EVA1C: variants seen among roughly 807,000 people sequenced by gnomAD.
EVA1C encodes the protein eva-1 homolog C.
Under a neutral mutation model 45.4 loss-of-function variants are expected in EVA1C, and 25 were observed. The observed-to-expected ratio is 0.55, with a 90% CI of 0.40 to 0.77. The LOEUF is 0.77. Among genes scored for constraint, EVA1C ranks in the 30% least tolerant of loss-of-function variants. EVA1C has a pLI of 0.00. For synonymous variants in EVA1C, 190 were observed against 221.2 expected (o/e 0.86, Z 1.25); for missense variants, 479 against 554.8 (o/e 0.86, Z 1.37).
At chr21:32,449,767 G>A (rs2035510358) in intron 1 of EVA1C, among the ~76,000 whole-genome samples, 1 of 151,948 alleles carries the variant, frequency 6.6e-6, no homozygotes, top group Admixed American at 6.6e-5. Context: ...GATTACGGGG[G>A]CGTGCCACCA....
At chr21:32,505,111 CAT>C (rs1471768241) in intron 7 of EVA1C, among the ~76,000 whole-genome samples, 10 of 152,212 alleles carry the variant, frequency 6.6e-5, no homozygotes, top group African/African-American at 2.4e-4. Context: ...TCCCATGACA[CAT>C]GTGGATTATG....
intron 1 of EVA1C, among the ~76,000 whole-genome samples, chr21:32,437,268 G>A (rs1467519183): frequency 6.6e-6 from 1 of 152,196 alleles, no homozygotes; most frequent in Non-Finnish European, 1.5e-5. Flanking sequence ...CTCAGCATGG[G>A]GCCCTGTGTG....
intron 3 of EVA1C, 134 bp downstream of exon 3, chr21:32,457,854 T>C: frequency 1.0e-6 from 1 of 962,916 alleles, no homozygotes; most frequent in Non-Finnish European, 1.6e-6. Flanking sequence ...GGCTCCATCC[T>C]ACCCAGTTTT....
At chr21:32,444,053 AACACACACACACACAC>A (rs60086580) in intron 1 of EVA1C, among the ~76,000 whole-genome samples, 24 of 139,938 alleles carry the variant, frequency 1.7e-4, no homozygotes, top group African/African-American at 4.9e-4. Context: ...ATTGTGTGAA[AACACACACACACACAC>A]ACACACACAC....
In EVA1C at chr21:32,452,507, T is replaced by C. The variant is rs11088220; in HGVS notation, c.161-805T>C. ...ACAGCTCCCGAAGCCCCAGTGGGCA[T>C]GTGTTACAGTGGTCTCCTTCAGTTT... is the stretch of plus-strand genomic sequence containing the variant. On this transcript the variant is annotated intron_variant, in intron 1 of 7. Transcript: ENST00000300255. The surrounding 1 kb of genome is among the most constrained non-coding windows in gnomAD (Gnocchi z 4.0). 24,445 of 152,256 alleles carry C rather than the reference T, an allele frequency of 0.16. 2,240 individuals are homozygous for C. Among genetic ancestry groups the C allele is most frequent in the Admixed American group, 0.23 (3,575 of 15,308 alleles). 9.4% of individuals were successfully genotyped at this position (152,256 alleles called of 1,614,324 possible). A position where few individuals can be genotyped will look rare whatever the true frequency, so the allele number is the denominator to read the frequency against.
intron 4 of EVA1C, among the ~76,000 whole-genome samples, chr21:32,483,962 ATGTGTGTGTGTGTGTG>A (rs55688415): frequency 3.1e-4 from 46 of 147,340 alleles, no homozygotes; most frequent in South Asian, 1.3e-3. Flanking sequence ...CTCACTGTTT[ATGTGTGTGTGTGTGTG>A]TGTGTGTGTG....
chr21:32,460,453 C>A (rs367965723), intron 3 of EVA1C, among the ~76,000 whole-genome samples: 1 of 152,190 alleles, frequency 6.6e-6, no homozygotes, highest in Non-Finnish European at 1.5e-5. Context: ...GTATGATTTG[C>A]ACACACACTG....
intron 4 of EVA1C, among the ~76,000 whole-genome samples, chr21:32,476,411 G>A (rs576986746): frequency 5.3e-5 from 8 of 152,214 alleles, no homozygotes; most frequent in Non-Finnish European, 8.8e-5. Flanking sequence ...GGAGGCCGAG[G>A]CAGGTGGATC....
At chr21:32,416,998 C>T (rs547770689) in intron 1 of EVA1C, among the ~76,000 whole-genome samples, 64 of 152,316 alleles carry the variant, frequency 4.2e-4, no homozygotes, top group South Asian at 2.3e-3. Context: ...CTCTGCTGCC[C>T]AGGCCCGAGT....
chr21:32,473,125 C>T (rs778034355), intron 4 of EVA1C, among the ~76,000 whole-genome samples: 3 of 152,256 alleles, frequency 2.0e-5, no homozygotes, highest in Non-Finnish European at 2.9e-5. Context: ...GGCAGAACCA[C>T]GCATGCGTGT....
intron 1 of EVA1C, among the ~76,000 whole-genome samples, chr21:32,431,079 TGTG>T (rs1024142170): frequency 2.0e-5 from 3 of 151,944 alleles, no homozygotes; most frequent in Admixed American, 2.0e-4. Flanking sequence ...TCCCACAACA[TGTG>T]GTGATTATGG....
intron 4 of EVA1C, among the ~76,000 whole-genome samples, chr21:32,488,398 A>C (rs1276121752): frequency 6.6e-6 from 1 of 152,158 alleles, no homozygotes; most frequent in Non-Finnish European, 1.5e-5. Context: ...TAATGCCTGC[A>C]CCAATCTACA....
At chr21:32,440,546 A>T (rs1437640137) in intron 1 of EVA1C, among the ~76,000 whole-genome samples, 1 of 152,194 alleles carries the variant, frequency 6.6e-6, no homozygotes, top group Non-Finnish European at 1.5e-5. Flanking sequence ...TAATCTAAGG[A>T]TTGTAATACA....
chr21:32,435,221 AT>A (rs943169548), intron 1 of EVA1C, among the ~76,000 whole-genome samples: 66 of 139,722 alleles, frequency 4.7e-4, no homozygotes, highest in Non-Finnish European at 9.7e-4. Context: ...CATTTTATTA[AT>A]TTTTTTTGTG....
chr21:32,498,665 G>T (rs1429579764), intron 5 of EVA1C, among the ~76,000 whole-genome samples: 6 of 150,854 alleles, frequency 4.0e-5, no homozygotes, highest in Non-Finnish European at 7.4e-5. Flanking sequence ...GAACACTAGG[G>T]TATGCACACT....
intron 3 of EVA1C, among the ~76,000 whole-genome samples, chr21:32,464,691 G>A (rs902503875): frequency 6.6e-6 from 1 of 151,980 alleles, no homozygotes; most frequent in East Asian, 1.9e-4. Context: ...GCATGGTGGC[G>A]CATGCCTGTA....
chr21:32,475,688 G>A (rs1416596224), intron 4 of EVA1C, among the ~76,000 whole-genome samples: 1 of 151,902 alleles, frequency 6.6e-6, no homozygotes, highest in Non-Finnish European at 1.5e-5. Flanking sequence ...CTGTTCCCTG[G>A]TGGCCAGATA....
intron 1 of EVA1C, among the ~76,000 whole-genome samples, chr21:32,417,867 T>C (rs1472647613): frequency 6.6e-6 from 1 of 152,196 alleles, no homozygotes; most frequent in Non-Finnish European, 1.5e-5. Context: ...TCTGATGTAA[T>C]TGGCCCTGGG....
At chr21:32,430,457 G>A (rs1181056465) in intron 1 of EVA1C, among the ~76,000 whole-genome samples, 1 of 152,086 alleles carries the variant, frequency 6.6e-6, no homozygotes, top group African/African-American at 2.4e-5. Context: ...TCCATTTTGG[G>A]GTCCGGGGAT....
Sources: allele counts gnomAD v4.1 joint callset (sites outside exome capture counted in the v4.1 genomes callset), GRCh38; gene constraint gnomAD v4.1.1; non-coding constraint Gnocchi (gnomAD v3.1); transcripts MANE v1.5; gene names NCBI Gene and HGNC (gene_info 2026-07-23, HGNC 2026-07-21).